Variants in NAA15 observed in about 807,000 individuals in gnomAD.
The protein encoded by NAA15 is N-terminal acetyltransferase.
NAA15 carries 34 observed loss-of-function variants against 114.0 expected under a neutral mutation model. The ratio of observed to expected loss-of-function variants is 0.30; its 90% confidence interval spans 0.23 to 0.40. The LOEUF (loss-of-function observed/expected upper bound fraction) is 0.40, where lower values mean the gene tolerates loss of function less well. NAA15 is among the 10% of genes least tolerant of loss of function. NAA15 has a pLI of 1.00. For synonymous variants in NAA15, 340 were observed against 338.0 expected (o/e 1.01, Z -0.06); for missense variants, 658 against 1,004.5 (o/e 0.66, Z 4.66).
chr4:139,309,700 A>G (rs796420139), intron 1 of NAA15, among the ~76,000 whole-genome samples: 4 of 152,296 alleles, frequency 2.6e-5, no homozygotes, highest in African/African-American at 9.6e-5. Flanking sequence ...GAAACCTGAA[A>G]TGTTTTAAAA....
At chr4:139,310,143 A>T (rs1053837613) in intron 1 of NAA15, among the ~76,000 whole-genome samples, 1 of 152,132 alleles carries the variant, frequency 6.6e-6, no homozygotes, top group African/African-American at 2.4e-5. Context: ...TGATTCAAAT[A>T]TATCTTCTTT....
intron 1 of NAA15, among the ~76,000 whole-genome samples, chr4:139,314,717 T>TA (rs1237560008): frequency 6.6e-6 from 1 of 151,596 alleles, no homozygotes; most frequent in Non-Finnish European, 1.5e-5. Flanking sequence ...CTCGCTCTGT[T>TA]ACCAGGCTGG....
At chr4:139,316,847 A>G (rs1047908154) in intron 1 of NAA15, among the ~76,000 whole-genome samples, 1 of 121,840 alleles carries the variant, frequency 8.2e-6, no homozygotes, top group African/African-American at 3.2e-5. Flanking sequence ...ACCTCCCCCC[A>G]CCCCCCGCCA....
intron 3 of NAA15, among the ~76,000 whole-genome samples, chr4:139,339,778 C>A (rs572132628): frequency 2.4e-4 from 36 of 151,822 alleles, no homozygotes; most frequent in African/African-American, 6.3e-4. Context: ...ACAACAACAA[C>A]AAAAAACAAC....
At chr4:139,331,809 T>G (rs1747016092) in intron 1 of NAA15, among the ~76,000 whole-genome samples, 1 of 152,088 alleles carries the variant, frequency 6.6e-6, no homozygotes, top group South Asian at 2.1e-4. Flanking sequence ...TTTACATTTT[T>G]ATAACTATGC....
chr4:139,357,279 A>G lies in NAA15; in HGVS notation c.1088-107A>G, dbSNP rs1034727930. The stretch of plus-strand genomic sequence containing the variant: ...GTTTTATAGCTAGATACATAAATAA[A>G]CTCCTTTCATAGTACCTCCCTTGTT... On this transcript the variant is annotated intron_variant, in intron 10 of 19. Coordinates refer to ENST00000296543, the MANE Select transcript of NAA15 (RefSeq NM_057175.5). The G allele has an allele frequency of 3.4e-6, 3 of 894,182 alleles. No homozygotes were observed. In the Admixed American group the frequency reaches 7.8e-5, roughly 23 times the overall value. 55.4% of individuals were successfully genotyped at this position (894,182 alleles called of 1,614,324 possible). A position where few individuals can be genotyped will look rare whatever the true frequency, so the allele number is the denominator to read the frequency against.
Position 139,349,478 on chromosome 4 carries a change from A to G in NAA15, c.708A>G (p.Gln236=). The G allele has an allele frequency of 1.3e-6, 2 of 1,599,942 alleles. No homozygotes were observed. Among genetic ancestry groups the G allele is most frequent in the Admixed American group, 1.7e-5 (1 of 57,152 alleles). ...TTTAATCAGGGGAACTTCTGTTGCAACTATGTCGTTTGGAAGATGCTGCAG... is the reference window on the plus strand; with the variant it reads ...TTTAATCAGGGGAACTTCTGTTGCAGCTATGTCGTTTGGAAGATGCTGCAG... ...VEETKGELLL[Q]LCRLEDAADV... The change falls in exon 7 of 20, where the codon CAA becomes CAG. Residue 236 remains glutamine (Q), a synonymous_variant. Coordinates refer to ENST00000296543, the MANE Select transcript of NAA15 (RefSeq NM_057175.5).
At chr4:139,310,923 T>A (rs1211545043) in intron 1 of NAA15, among the ~76,000 whole-genome samples, 1 of 134,778 alleles carries the variant, frequency 7.4e-6, no homozygotes, top group Non-Finnish European at 1.6e-5. Flanking sequence ...CTGGCCTAAT[T>A]TAAAAAATTT....
At chr4:139,343,105 G>A (rs1236525917) in intron 5 of NAA15, 145 bp downstream of exon 5, 5 of 610,302 alleles carry the variant, frequency 8.2e-6, no homozygotes, top group East Asian at 6.0e-5. Context: ...CTACATAGGG[G>A]TTCATTCATA....
chr4:139,360,693 AG>A, intron 13 of NAA15, 65 bp downstream of exon 13: 1 of 1,381,834 alleles, frequency 7.2e-7, no homozygotes, highest in Non-Finnish European at 9.6e-7. Context: ...CAAATTTCAT[AG>A]TTTTTTTCTC....
chr4:139,357,466 C>A lies in NAA15; in HGVS notation c.1168C>A (p.Pro390Thr). The change falls in exon 11 of 20, where the codon CCA (proline) becomes ACA (threonine). Residue 390 changes from proline to threonine, a missense_variant. Pro to Thr is a conservative substitution (Grantham distance 38). Coordinates refer to ENST00000296543, the MANE Select transcript of NAA15 (RefSeq NM_057175.5). ...ACAACATTATGACAAAATTGGTCAG[C>A]CATCTATTGCTTTGGAGTACATAAA... ...LAQHYDKIGQ[P>T]SIALEYINTA... The A allele has an allele frequency of 6.2e-7, 1 of 1,613,598 alleles. No homozygotes were observed. Among genetic ancestry groups the A allele is most frequent in the South Asian group, 1.1e-5 (1 of 91,056 alleles).
intron 13 of NAA15, among the ~76,000 whole-genome samples, chr4:139,360,934 T>G (rs1684177603): frequency 6.6e-6 from 1 of 152,128 alleles, no homozygotes; most frequent in Non-Finnish European, 1.5e-5. Context: ...CACAGCTGAT[T>G]AAAGTACTCC....
At position 139,390,103 on chromosome 4, in the gene NAA15, T is replaced by G. The variant is rs1049730055; in HGVS notation, c.*2019T>G. On this transcript the variant is annotated 3_prime_UTR_variant, in exon 20 of 20. Transcript: ENST00000296543. ...GTATGTGTGAATTTTGTTTAAACTC[T>G]ACTGTATATTGAAATGAAATTCATT... is the stretch of plus-strand genomic sequence containing the variant. 1 of 152,662 alleles carries G rather than the reference T, an allele frequency of 6.6e-6. No homozygotes were observed. Among genetic ancestry groups the G allele is most frequent in the African/African-American group, 2.4e-5 (1 of 41,464 alleles). 9.5% of individuals were successfully genotyped at this position (152,662 alleles called of 1,614,324 possible). A position where few individuals can be genotyped will look rare whatever the true frequency, so the allele number is the denominator to read the frequency against.
intron 19 of NAA15, among the ~76,000 whole-genome samples, chr4:139,387,191 CA>C (rs1207755775): frequency 6.6e-6 from 1 of 152,062 alleles, no homozygotes; most frequent in African/African-American, 2.4e-5. Flanking sequence ...GGGATTTTTG[CA>C]TGTGGAAACT....
chr4:139,325,119 G>A (rs945751318), intron 1 of NAA15, among the ~76,000 whole-genome samples: 21 of 151,362 alleles, frequency 1.4e-4, no homozygotes, highest in Non-Finnish European at 2.7e-4. Context: ...AGGGGCGGGG[G>A]GTTTAGTTTT....
chr4:139,357,850 A>G (rs967726193), intron 11 of NAA15, among the ~76,000 whole-genome samples: 3 of 152,222 alleles, frequency 2.0e-5, no homozygotes, highest in Non-Finnish European at 4.4e-5. Context: ...AGGTAATCCA[A>G]AAGAAATTTT....
chr4:139,302,967 G>T (rs1008095657), intron 1 of NAA15, among the ~76,000 whole-genome samples: 5 of 152,220 alleles, frequency 3.3e-5, no homozygotes, highest in African/African-American at 1.2e-4. Context: ...TTTGGGATGT[G>T]TGTGTGAAAG....
chr4:139,342,989 C>G (rs1455739250), intron 5 of NAA15, 29 bp downstream of exon 5: 1 of 1,586,384 alleles, frequency 6.3e-7, no homozygotes, highest in Non-Finnish European at 8.6e-7. Context: ...TTTACTAAGT[C>G]TGATCCTAAG....
At chr4:139,334,051 G>GA (rs1747118007) in intron 1 of NAA15, 123 bp from the exon 2 acceptor site, 1 of 608,438 alleles carries the variant, frequency 1.6e-6, no homozygotes, top group African/African-American at 2.0e-5. Flanking sequence ...GCATTTTACC[G>GA]AGATTTAGAA....
Sources: allele counts gnomAD v4.1 joint callset (sites outside exome capture counted in the v4.1 genomes callset), GRCh38; gene constraint gnomAD v4.1.1; transcripts MANE v1.5; gene names NCBI Gene and HGNC (gene_info 2026-07-23, HGNC 2026-07-21).